Variants in DNAH9 observed in about 807,000 individuals in gnomAD.
The protein encoded by DNAH9 is dynein axonemal heavy chain 9.
A neutral mutation model predicts 471.6 loss-of-function variants in DNAH9; 345 were observed. That is an observed-to-expected ratio of 0.73 (90% CI 0.67 to 0.80). The LOEUF is 0.80. Among genes scored for constraint, DNAH9 ranks in the 30% least tolerant of loss-of-function variants. The pLI is 0.00. For synonymous variants in DNAH9, 2,093 were observed against 2,123.6 expected, an observed-to-expected ratio of 0.99 and a Z score of 0.40; for missense variants, 5,407 against 5,609.2, an observed-to-expected ratio of 0.96 and a Z score of 1.15.
intron 43 of DNAH9, 95 bp downstream of exon 43, chr17:11,797,888 A>G: frequency 1.5e-6 from 2 of 1,290,440 alleles, no homozygotes; most frequent in Non-Finnish European, 2.1e-6. Context: ...CCGTAAAGCC[A>G]GGTAAGGAGC....
intron 62 of DNAH9, among the ~76,000 whole-genome samples, chr17:11,926,868 C>T (rs1597835923): frequency 6.6e-6 from 1 of 152,284 alleles, no homozygotes; most frequent in East Asian, 1.9e-4. Flanking sequence ...ATTTACACTC[C>T]CACCAACAGC....
At chr17:11,799,120 G>A (rs1309668587) in intron 43 of DNAH9, among the ~76,000 whole-genome samples, 1 of 152,012 alleles carries the variant, frequency 6.6e-6, no homozygotes, top group Non-Finnish European at 1.5e-5. Flanking sequence ...TGGCTCCCAT[G>A]GTCTTTTCTT....
chr17:11,691,989 A>C (rs2074340413), intron 20 of DNAH9, among the ~76,000 whole-genome samples: 1 of 152,030 alleles, frequency 6.6e-6, no homozygotes, highest in Admixed American at 6.6e-5. Flanking sequence ...TTTTTAGTAG[A>C]GACGAGGTTT....
chr17:11,739,400 A>G (rs1260947499), intron 29 of DNAH9, among the ~76,000 whole-genome samples: 1 of 152,212 alleles, frequency 6.6e-6, no homozygotes, highest in African/African-American at 2.4e-5. Context: ...CATGGTTTAC[A>G]ATGTAATTAA....
At chr17:11,713,569 T>C (rs2074910223) in intron 26 of DNAH9, among the ~76,000 whole-genome samples, 2 of 152,138 alleles carry the variant, frequency 1.3e-5, no homozygotes, top group South Asian at 4.1e-4. Flanking sequence ...GTTAATGGTG[T>C]CTTTTGAAGT....
chr17:11,718,967 TGATTGGGGGAG>T (rs2075009687), intron 26 of DNAH9, among the ~76,000 whole-genome samples: 1 of 152,044 alleles, frequency 6.6e-6, no homozygotes, highest in Admixed American at 6.6e-5. Context: ...AGTTGGGGGA[TGATTGGGGGAG>T]GATCAGGGAC....
chr17:11,639,593 G>A (rs1456813269), intron 9 of DNAH9, among the ~76,000 whole-genome samples: 1 of 152,182 alleles, frequency 6.6e-6, no homozygotes, highest in Non-Finnish European at 1.5e-5. Context: ...ATTAAGCAGG[G>A]AAGATATTAT....
chr17:11,960,063 A>G (rs1383706707), intron 67 of DNAH9, among the ~76,000 whole-genome samples: 1 of 152,150 alleles, frequency 6.6e-6, no homozygotes, highest in East Asian at 1.9e-4. Flanking sequence ...TATTTCTTAT[A>G]AATCAGGAGC....
intron 28 of DNAH9, among the ~76,000 whole-genome samples, chr17:11,738,261 A>G (rs1397401901): frequency 6.6e-6 from 1 of 152,184 alleles, no homozygotes; most frequent in South Asian, 2.1e-4. Context: ...GGTCAGCCCT[A>G]ATACACTTCA....
chr17:11,755,371 A>G lies in DNAH9; in HGVS notation c.6739-1197A>G, dbSNP rs529963938. ...TAGTTCTGTGAAGAATGTCATTGGT[A>G]ATTTAGTAGGAATGGCATTGAATCC... is the stretch of plus-strand genomic sequence containing the variant. On this transcript the variant is annotated intron_variant, in intron 33 of 68. Coordinates refer to ENST00000262442, the MANE Select transcript of DNAH9 (RefSeq NM_001372.4). Among the ~76,000 whole-genome samples, 16 of 152,210 alleles carry G rather than the reference A, an allele frequency of 1.1e-4. No homozygotes were observed. In the South Asian group the frequency reaches 3.1e-3, roughly 30 times the overall value.
intron 14 of DNAH9, among the ~76,000 whole-genome samples, chr17:11,656,974 C>CATG (rs1406770704): frequency 7.2e-6 from 1 of 138,428 alleles, no homozygotes; most frequent in East Asian, 2.0e-4. Flanking sequence ...CAGAATTCAT[C>CATG]CAGTCCCCTG....
chr17:11,860,469 TAACA>T (rs1971802712), intron 50 of DNAH9, among the ~76,000 whole-genome samples: 1 of 152,238 alleles, frequency 6.6e-6, no homozygotes, highest in South Asian at 2.1e-4. Flanking sequence ...TAAACTGAAC[TAACA>T]GTTTTGCAAA....
intron 57 of DNAH9, among the ~76,000 whole-genome samples, chr17:11,890,624 A>G (rs1973017545): frequency 1.3e-5 from 2 of 152,180 alleles, no homozygotes; most frequent in South Asian, 4.1e-4. Context: ...CCAAAATTGA[A>G]AAGTTCCAAT....
chr17:11,624,594 C>T (rs952125900), intron 6 of DNAH9, among the ~76,000 whole-genome samples: 3 of 152,130 alleles, frequency 2.0e-5, no homozygotes, highest in African/African-American at 7.2e-5. Context: ...TAAATGAGCT[C>T]ACCCATAGTT....
Position 11,781,056 on chromosome 17 carries a change from C to T in DNAH9, c.7600C>T (p.Pro2534Ser), listed in dbSNP as rs1968648480. Reference protein sequence around the residue: ...LEKKAGRNYGPPGNKKLIYFI... With the variant: ...LEKKAGRNYGSPGNKKLIYFI... ...AAAGAAGGCTGGCAGAAACTATGGCCCTCCAGGGAACAAGAAACTCATCTA... is the reference window on the plus strand; with the variant it reads ...AAAGAAGGCTGGCAGAAACTATGGCTCTCCAGGGAACAAGAAACTCATCTA... The change falls in exon 39 of 69, where the codon CCT becomes TCT. Residue 2534 changes from proline (P) to serine (S), a missense_variant. Pro to Ser is a moderately conservative substitution (Grantham distance 74). Coordinates refer to ENST00000262442, the MANE Select transcript of DNAH9 (RefSeq NM_001372.4). 2 of 1,614,146 alleles carry T rather than the reference C, an allele frequency of 1.2e-6. No homozygotes were observed. The highest frequency in any genetic ancestry group is 1.7e-6 in the Non-Finnish European group (2 of 1,180,006).
chr17:11,708,855 G>T (rs901307083), intron 26 of DNAH9, among the ~76,000 whole-genome samples: 6 of 152,068 alleles, frequency 3.9e-5, no homozygotes, highest in African/African-American at 7.2e-5. Context: ...AGATAACATT[G>T]ACCTTCATTT....
chr17:11,879,246 T>C (rs2150993446), intron 53 of DNAH9, among the ~76,000 whole-genome samples: 1 of 152,270 alleles, frequency 6.6e-6, no homozygotes, highest in East Asian at 1.9e-4. Flanking sequence ...ATAATTCATC[T>C]TTCAAAAACA....
intron 49 of DNAH9, among the ~76,000 whole-genome samples, chr17:11,851,746 C>T (rs1019695102): frequency 1.3e-5 from 2 of 152,084 alleles, no homozygotes; most frequent in African/African-American, 4.8e-5. Context: ...CTGCCCTTGC[C>T]AGATATTCGA....
rs1334809725 is a variant in DNAH9, at chr17:11,629,537, A to G, written c.1471A>G (p.Arg491Gly). 15 of 1,614,018 alleles carry G rather than the reference A, an allele frequency of 9.3e-6. No individual in the cohort carries two copies. The highest frequency in any genetic ancestry group is 1.2e-5 in the Non-Finnish European group (14 of 1,180,036). Residue 491 changes from arginine (R) to glycine (G), a missense_variant, in exon 7 of 69, where the codon AGG (arginine) becomes GGG (glycine). Physicochemically the swap from Arg to Gly is moderately radical, Grantham distance 125 (BLOSUM62 -2). Transcript: ENST00000262442. ...GCATGAAGAATTTCAAGAGATGTAC[A>G]GGCTTCTCTCAGGATCCTCCTCCGA... The part of the protein sequence containing the change: ...QMHEEFQEMY[R>G]LLSGSSSDCL...
Sources: allele counts gnomAD v4.1 joint callset (sites outside exome capture counted in the v4.1 genomes callset), GRCh38; gene constraint gnomAD v4.1.1; transcripts MANE v1.5; gene names NCBI Gene and HGNC (gene_info 2026-07-23, HGNC 2026-07-21).